PTN: variants seen among roughly 807,000 people sequenced by gnomAD.
The protein encoded by PTN is heparin affin regulatory protein.
A neutral mutation model predicts 24.1 loss-of-function variants in PTN; 18 were observed. The ratio of observed to expected loss-of-function variants is 0.75; its 90% CI spans 0.52 to 1.11. The LOEUF (loss-of-function observed/expected upper bound fraction) is 1.11, where lower values mean the gene tolerates loss of function less well. Among genes scored for constraint, PTN ranks in the 50% least tolerant of loss-of-function variants. PTN has a pLI of 0.00. For synonymous variants in PTN, 78 were observed against 68.6 expected (o/e 1.14, Z -0.67); for missense variants, 163 against 198.8 (o/e 0.82, Z 1.08).
rs185061782 is a variant in PTN, at chr7:137,243,833, C to T, written c.451+7397G>A. 2.0e-5 allele frequency among the ~76,000 whole-genome samples: 3 copies of T among 152,154 alleles called. No individual in the cohort carries two copies. The East Asian group carries it at 5.8e-4, about 29-fold the overall frequency. The stretch of plus-strand genomic sequence containing the variant: ...CTAAGCATTATATGTGCTGAACAGA[C>T]AGTAATTGCAGCAGAAAGGTTTCTG... On this transcript the variant is annotated intron_variant, in intron 4 of 4. Coordinates refer to ENST00000348225, the MANE Select transcript of PTN (RefSeq NM_002825.7).
chr7:137,235,248 C>G (rs571768998), intron 4 of PTN, among the ~76,000 whole-genome samples: 4 of 152,196 alleles, frequency 2.6e-5, no homozygotes, highest in African/African-American at 9.6e-5. Context: ...AAGTAACTCA[C>G]CTGTGCTTAA....
intron 1 of PTN, chr7:137,326,354 AT>A (rs1287138020): frequency 6.6e-6 from 1 of 152,170 alleles, no homozygotes. Context: ...ATTCTCCCAA[AT>A]TGATCAATGT....
At chr7:137,240,094 T>A (rs1808602782) in intron 4 of PTN, among the ~76,000 whole-genome samples, 1 of 152,212 alleles carries the variant, frequency 6.6e-6, no homozygotes, top group Non-Finnish European at 1.5e-5. Context: ...GATTACTCTA[T>A]CTCACGTACT....
At chr7:137,270,545 G>C (rs1809255979) in intron 1 of PTN, among the ~76,000 whole-genome samples, 1 of 152,088 alleles carries the variant, frequency 6.6e-6, no homozygotes, top group African/African-American at 2.4e-5. Context: ...TTGACTCATG[G>C]TAATATTAAA....
intron 4 of PTN, among the ~76,000 whole-genome samples, chr7:137,238,311 C>T (rs1356489854): frequency 3.3e-5 from 5 of 152,138 alleles, no homozygotes; most frequent in Non-Finnish European, 7.4e-5. Context: ...AGGCCAGGGC[C>T]CAGCCTGGGA....
chr7:137,310,594 CG>C (rs1809965779), intron 1 of PTN, among the ~76,000 whole-genome samples: 5 of 151,794 alleles, frequency 3.3e-5, no homozygotes, highest in South Asian at 4.2e-4. Flanking sequence ...TTAGTAGAGA[CG>C]GGGTTTCACC....
intron 1 of PTN, among the ~76,000 whole-genome samples, chr7:137,262,179 T>A (rs1809051965): frequency 1.3e-5 from 2 of 152,200 alleles, no homozygotes; most frequent in Non-Finnish European, 2.9e-5. Flanking sequence ...TAGGTGTTTT[T>A]CATTTTGGTT....
chr7:137,282,802 T>G (rs1322523172), intron 1 of PTN, among the ~76,000 whole-genome samples: 1 of 152,200 alleles, frequency 6.6e-6, no homozygotes, highest in Non-Finnish European at 1.5e-5. Flanking sequence ...AATAAATTAG[T>G]TGGAGGCAAA....
At chr7:137,304,574 C>T (rs915361607) in intron 1 of PTN, among the ~76,000 whole-genome samples, 3 of 151,724 alleles carry the variant, frequency 2.0e-5, no homozygotes, top group Admixed American at 6.6e-5. Flanking sequence ...AGAAGGAATG[C>T]CAAGGAAAGA....
At chr7:137,339,714 G>A (rs1312951901) in intron 1 of PTN, among the ~76,000 whole-genome samples, 2 of 152,124 alleles carry the variant, frequency 1.3e-5, no homozygotes, top group Non-Finnish European at 2.9e-5. Flanking sequence ...ATAGAGAAAT[G>A]TATGCCATCA....
chr7:137,266,047 T>C (rs1358462543), intron 1 of PTN, among the ~76,000 whole-genome samples: 3 of 152,208 alleles, frequency 2.0e-5, no homozygotes, highest in African/African-American at 4.8e-5. Context: ...TAAAACCTTG[T>C]AGACATATTT....
At chr7:137,262,098 T>C (rs1024663324) in intron 1 of PTN, among the ~76,000 whole-genome samples, 6 of 152,304 alleles carry the variant, frequency 3.9e-5, no homozygotes, top group East Asian at 1.9e-4. Flanking sequence ...CTTATAAATA[T>C]AGTATTATTT....
chr7:137,322,697 G>A (rs1282932789), intron 1 of PTN, among the ~76,000 whole-genome samples: 1 of 152,124 alleles, frequency 6.6e-6, no homozygotes, highest in Non-Finnish European at 1.5e-5. Context: ...AGAACAGCTT[G>A]CTTTTCTTTT....
intron 1 of PTN, among the ~76,000 whole-genome samples, chr7:137,316,240 A>G (rs546319538): frequency 3.1e-4 from 47 of 152,296 alleles, no homozygotes; most frequent in African/African-American, 1.1e-3. Flanking sequence ...GTCACCTGGG[A>G]ACTTGTTAGA....
At chr7:137,242,572 C>A (rs1227786928) in intron 4 of PTN, among the ~76,000 whole-genome samples, 1 of 152,214 alleles carries the variant, frequency 6.6e-6, no homozygotes, top group Non-Finnish European at 1.5e-5. Context: ...CAACACCCTT[C>A]ATTTATGCAT....
chr7:137,295,216 G>T (rs1226665511), intron 1 of PTN, among the ~76,000 whole-genome samples: 1 of 152,104 alleles, frequency 6.6e-6, no homozygotes, highest in Non-Finnish European at 1.5e-5. Context: ...ATTACACATA[G>T]AACAATGAAT....
chr7:137,321,053 G>A (rs2128881144), intron 1 of PTN, among the ~76,000 whole-genome samples: 1 of 152,292 alleles, frequency 6.6e-6, no homozygotes, highest in Non-Finnish European at 1.5e-5. Context: ...CCCGTTCAGA[G>A]CATCCAGGCT....
At chr7:137,327,126 G>A (rs1171511527) in intron 1 of PTN, among the ~76,000 whole-genome samples, 1 of 152,104 alleles carries the variant, frequency 6.6e-6, no homozygotes, top group Non-Finnish European at 1.5e-5. Flanking sequence ...GGATCAAGGG[G>A]TAGGGTAAGG....
At chr7:137,251,166 G>GT in intron 4 of PTN, 64 bp downstream of exon 4, 1 of 1,550,246 alleles carries the variant, frequency 6.5e-7, no homozygotes, top group Non-Finnish European at 8.9e-7. Context: ...GAAAATGTGG[G>GT]TTTTCCAGAT....
Sources: allele counts gnomAD v4.1 joint callset (sites outside exome capture counted in the v4.1 genomes callset), GRCh38; gene constraint gnomAD v4.1.1; transcripts MANE v1.5; gene names NCBI Gene and HGNC (gene_info 2026-07-23, HGNC 2026-07-21).